Variants in ADCK1 observed in about 807,000 individuals in gnomAD.
The protein encoded by ADCK1 is aarF domain-containing protein kinase 1.
Under a neutral mutation model 52.3 loss-of-function variants are expected in ADCK1, and 41 were observed. The observed-to-expected ratio is 0.78, with a 90% CI of 0.61 to 1.02. The LOEUF is 1.02. ADCK1 is among the 50% of genes least tolerant of loss of function. The probability of loss-of-function intolerance (pLI) is 0.00; values close to 1 mark genes in which losing one functional copy is unlikely to be tolerated. For synonymous variants in ADCK1, 250 were observed against 274.6 expected (o/e 0.91, Z 0.89); for missense variants, 658 against 679.5 (o/e 0.97, Z 0.35).
chr14:77,902,735 G>A (rs1237095385), intron 6 of ADCK1: 2 of 152,166 alleles, frequency 1.3e-5, no homozygotes, highest in African/African-American at 4.8e-5. Flanking sequence ...TTCTACCCAG[G>A]ATAAAGGGCT....
chr14:77,886,519 G>A (rs2083150140), intron 4 of ADCK1, among the ~76,000 whole-genome samples: 1 of 152,172 alleles, frequency 6.6e-6, no homozygotes, highest in African/African-American at 2.4e-5. Context: ...CAGGTATGAG[G>A]ATGCGCCTTC....
At chr14:77,841,997 A>G (rs536068208) in intron 3 of ADCK1, among the ~76,000 whole-genome samples, 2 of 152,266 alleles carry the variant, frequency 1.3e-5, no homozygotes, top group South Asian at 4.1e-4. Flanking sequence ...AGGCTGAAGC[A>G]GGAAGATCGC....
intron 4 of ADCK1, among the ~76,000 whole-genome samples, chr14:77,882,221 G>C (rs1483294748): frequency 6.6e-6 from 1 of 152,074 alleles, no homozygotes; most frequent in Non-Finnish European, 1.5e-5. Flanking sequence ...TGCTCACCAG[G>C]CTCCAGTGGA....
At chr14:77,874,702 G>T (rs1384285394) in intron 4 of ADCK1, among the ~76,000 whole-genome samples, 1 of 152,178 alleles carries the variant, frequency 6.6e-6, no homozygotes, top group African/African-American at 2.4e-5. Context: ...GTGCGCTTCT[G>T]TGTGCTGGCC....
intron 6 of ADCK1, among the ~76,000 whole-genome samples, chr14:77,905,046 T>C (rs10140793): frequency 0.42 from 63,657 of 151,976 alleles, 14,423 homozygotes; most frequent in African/African-American, 0.58. Context: ...GTCATTTCCA[T>C]GTTATGTCTG....
At chr14:77,831,371 T>G (rs987347916) in intron 3 of ADCK1, among the ~76,000 whole-genome samples, 1 of 152,074 alleles carries the variant, frequency 6.6e-6, no homozygotes, top group Admixed American at 6.5e-5. Context: ...GTGTGAAACA[T>G]AGGGATAGAA....
At chr14:77,889,533 T>C (rs7151404) in intron 5 of ADCK1, among the ~76,000 whole-genome samples, 110,164 of 152,088 alleles carry the variant, frequency 0.72, 40,113 homozygotes, top group Admixed American at 0.76. Flanking sequence ...GAGTGGGAGC[T>C]GCAGATGCTG....
At position 77,931,530 on chromosome 14, in the gene ADCK1, C is replaced by G. The variant is rs752581267; in HGVS notation, c.1219C>G (p.Arg407Gly). ...PVTATEDLEI[R>G]NNAANYLPQI... ...ATTGCTGCTTCAGGACTTAGAGATTCGCAACAACGCGGCCAACTACCTCCC... is the reference window on the plus strand; with the variant it reads ...ATTGCTGCTTCAGGACTTAGAGATTGGCAACAACGCGGCCAACTACCTCCC... The change falls in exon 10 of 11, where the codon CGC becomes GGC. Residue 407 changes from arginine (R) to glycine (G), a missense_variant. Coordinates refer to ENST00000238561, the MANE Select transcript of ADCK1 (RefSeq NM_020421.4). The G allele has an allele frequency of 1.2e-6, 2 of 1,613,238 alleles. No individual in the cohort carries two copies. The highest frequency in any genetic ancestry group is 3.3e-5 in the Admixed American group (2 of 59,992).
In ADCK1 at chr14:77,934,422, T is replaced by C. The variant is rs1215320384; in HGVS notation, c.*1031T>C. On this transcript the variant is annotated 3_prime_UTR_variant, in exon 11 of 11. Coordinates refer to ENST00000238561, the MANE Select transcript of ADCK1 (RefSeq NM_020421.4). ...CCTTGTTCTACTGTTTCCTGACTTA[T>C]CCCTTTGGTTCTCATTCAGTGGCCC... The C allele has an allele frequency of 6.6e-6, 1 of 152,186 alleles. No individual in the cohort carries two copies. Among genetic ancestry groups the C allele is most frequent in the East Asian group, 1.9e-4 (1 of 5,204 alleles). The allele number at this position is 152,186 out of a possible 1,614,324, so 9.4% of individuals were successfully genotyped here.
chr14:77,924,195 T>C, intron 7 of ADCK1: 1 of 422,782 alleles, frequency 2.4e-6, no homozygotes, highest in East Asian at 4.6e-5. Context: ...CCTAATCCCA[T>C]GTTCACGTCA....
chr14:77,922,464 G>T (rs982991998), intron 7 of ADCK1, among the ~76,000 whole-genome samples: 1 of 152,180 alleles, frequency 6.6e-6, no homozygotes, highest in African/African-American at 2.4e-5. Flanking sequence ...ACCTTCCAGG[G>T]GTGTTATGAG....
intron 2 of ADCK1, among the ~76,000 whole-genome samples, chr14:77,819,544 G>T (rs766466922): frequency 6.6e-6 from 1 of 152,180 alleles, no homozygotes; most frequent in Non-Finnish European, 1.5e-5. Flanking sequence ...AGGATGAATG[G>T]TTCCTGATGC....
intron 3 of ADCK1, among the ~76,000 whole-genome samples, chr14:77,823,721 C>T (rs1229081047): frequency 6.6e-6 from 1 of 150,868 alleles, no homozygotes; most frequent in East Asian, 2.0e-4. Context: ...TACATATGCA[C>T]ACCATCACAC....
intron 3 of ADCK1, among the ~76,000 whole-genome samples, chr14:77,831,631 C>T (rs574594419): frequency 1.3e-5 from 2 of 152,274 alleles, no homozygotes; most frequent in East Asian, 3.9e-4. Context: ...GTTGTCCAGG[C>T]TGAAGTGCAG....
intron 4 of ADCK1, among the ~76,000 whole-genome samples, chr14:77,873,020 T>G (rs2082819075): frequency 6.6e-6 from 1 of 152,098 alleles, no homozygotes; most frequent in Non-Finnish European, 1.5e-5. Context: ...TTTAATAGTT[T>G]TTAGAGTACA....
At chr14:77,821,893 A>AAC (rs1463402204) in intron 2 of ADCK1, among the ~76,000 whole-genome samples, 1 of 149,498 alleles carries the variant, frequency 6.7e-6, no homozygotes, top group African/African-American at 2.5e-5. Context: ...CTGTCTCAGA[A>AAC]AAAAAAAAAA....
chr14:77,862,221 A>G (rs1172170163), intron 4 of ADCK1, among the ~76,000 whole-genome samples: 1 of 152,228 alleles, frequency 6.6e-6, no homozygotes. Context: ...CCTGAAAGAC[A>G]GGTTCCAGGA....
chr14:77,854,175 A>G (rs1269154773), intron 3 of ADCK1, among the ~76,000 whole-genome samples: 1 of 152,156 alleles, frequency 6.6e-6, no homozygotes, highest in Non-Finnish European at 1.5e-5. Context: ...TAGCCTTGCC[A>G]TTTTCTAAGA....
rs1258471308 is a variant in ADCK1, at chr14:77,925,937, C to T, written c.1182C>T (p.Ser394=). The change falls in exon 9 of 11, where the codon AGC becomes AGT. Residue 394 remains serine, a synonymous_variant. Coordinates refer to ENST00000238561, the MANE Select transcript of ADCK1 (RefSeq NM_020421.4). ...RSWDSVNRGI[S]QAPVTATEDL... The stretch of plus-strand genomic sequence containing the variant: ...GGGACTCGGTCAACAGAGGCATCAG[C>T]CAAGCTCCCGTCACTGCCACTGAGG... 1 of 1,614,056 alleles carries T rather than the reference C, an allele frequency of 6.2e-7. No individual in the cohort carries two copies. The highest frequency in any genetic ancestry group is 1.7e-5 in the Admixed American group (1 of 60,012).
Sources: gnomAD v4.1 joint callset for allele counts (sites outside exome capture counted in the v4.1 genomes callset) on GRCh38, gnomAD v4.1.1 for gene constraint, MANE v1.5 for transcripts, NCBI Gene and HGNC (gene_info 2026-07-23, HGNC 2026-07-21) for gene names.